Variants in PER1 observed in about 807,000 individuals in gnomAD.
PER1 encodes period circadian regulator 1.
In PER1, 87 loss-of-function variants were observed where a neutral mutation model predicts 125.9. The observed-to-expected ratio is 0.69, with a 90% CI of 0.58 to 0.83. The LOEUF (loss-of-function observed/expected upper bound fraction) is 0.83, where lower values mean the gene tolerates loss of function less well. Ranked by LOEUF, PER1 falls within the 40% of genes least tolerant of loss-of-function variation. The probability of loss-of-function intolerance (pLI) is 0.00; values close to 1 mark genes in which losing one functional copy is unlikely to be tolerated. For synonymous variants in PER1, 801 were observed against 714.7 expected (o/e 1.12, Z -1.93); for missense variants, 1,775 against 1,722.8 (o/e 1.03, Z -0.54).
Position 8,148,771 on chromosome 17 carries a change from C to G in PER1, c.921G>C (p.Arg307=). The change falls in exon 8 of 23, where the codon CGG becomes CGC. Residue 307 remains arginine (R), a synonymous_variant. Coordinates refer to ENST00000317276, the MANE Select transcript of PER1 (RefSeq NM_002616.3). ...ATGGCTGGTACCGAGGCCCTGGATC[C>G]CGGTCAGGACCTCCTCTAGCAAAGG... ...VFCRIRGGPD[R]DPGPRYQPFR... is the part of the protein sequence containing the mutation. 1 of 1,613,466 alleles carries G rather than the reference C, an allele frequency of 6.2e-7. No individual in the cohort carries two copies. Among genetic ancestry groups the G allele is most frequent in the Non-Finnish European group, 8.5e-7 (1 of 1,179,738 alleles).
At chr17:8,142,976 G>T in intron 19 of PER1, 141 bp from the exon 20 acceptor site, 1 of 678,268 alleles carries the variant, frequency 1.5e-6, no homozygotes, top group Non-Finnish European at 2.5e-6. Context: ...GGGCCAGGCT[G>T]AGAGAGAAGA....
intron 13 of PER1, 96 bp downstream of exon 13, chr17:8,147,154 A>T: frequency 6.7e-7 from 1 of 1,482,868 alleles, no homozygotes; most frequent in Non-Finnish European, 9.2e-7. Context: ...GAGAGGGCAA[A>T]GGAGGATCGG....
Position 8,147,774 on chromosome 17 carries a change from G to C in PER1, c.1288C>G (p.Arg430Gly). The change falls in exon 11 of 23, where the codon CGC becomes GGC. Residue 430 changes from arginine (R) to glycine (G), a missense_variant. By Grantham distance (125) the Arg-to-Gly change is moderately radical. Coordinates refer to ENST00000317276, the MANE Select transcript of PER1 (RefSeq NM_002616.3). ...FDHSPIRFCA[R>G]NGEYVTMDTS... The stretch of plus-strand genomic sequence containing the variant: ...TCCATGGTGACATACTCCCCGTTGC[G>C]GGCACAGAAGCGGATAGGGGAGTGG... 6.2e-7 allele frequency: 1 copy of C among 1,614,056 alleles called. No individual in the cohort carries two copies.
Position 8,149,775 on chromosome 17 carries a change from C to A in PER1, c.631G>T (p.Glu211Ter). ...CTGACCTGGTTCTGAAGTGTGTACT[C>A]AGACGTGATGTGCTCCAGCTCCTCC... The part of the protein sequence containing the change: ...TLEELEHITS[E>*]YTLQNQDTFS... The change falls in exon 5 of 23, where the codon GAG becomes TAG. Residue 211 changes from glutamate (E) to a stop codon, truncating the protein, a stop_gained. Transcript: ENST00000317276. LOFTEE classifies it high-confidence loss of function. 20 of 1,613,150 alleles carry A rather than the reference C, an allele frequency of 1.2e-5. No individual in the cohort carries two copies. The highest frequency in any genetic ancestry group is 1.7e-5 in the Non-Finnish European group (20 of 1,180,024).
Position 8,140,944 on chromosome 17 carries a change from C to G in PER1, c.*124G>C. On this transcript the variant is annotated 3_prime_UTR_variant, in exon 23 of 23. Transcript: ENST00000317276. ...TAGGCTGGTGATGGGGGTCCGGCCC[C>G]CTATGGTGGGAGAAGCTGGGGCAGT... The G allele has an allele frequency of 8.7e-7, 1 of 1,150,202 alleles. No individual in the cohort carries two copies. Among genetic ancestry groups the G allele is most frequent in the Non-Finnish European group, 1.2e-6 (1 of 802,178 alleles). 71.2% of individuals were successfully genotyped at this position (1,150,202 alleles called of 1,614,324 possible).
In PER1 at chr17:8,146,176, C is replaced by G. The variant is rs763706032; in HGVS notation, c.2039-39G>C. ...TGGTGCCAGTTACCATCCCCACCCCCACTGGGAAGTCAGGAGAGAGGATCC... is the reference window on the plus strand; with the variant it reads ...TGGTGCCAGTTACCATCCCCACCCCGACTGGGAAGTCAGGAGAGAGGATCC... On this transcript the variant is annotated intron_variant, in intron 16 of 22. Transcript: ENST00000317276. 46 of 1,559,516 alleles carry G rather than the reference C, an allele frequency of 2.9e-5. No individual in the cohort carries two copies. In the South Asian group the frequency reaches 5.5e-4, roughly 19 times the overall value.
At position 8,142,814 on chromosome 17, in the gene PER1, T is replaced by G. The variant is rs1356700676; in HGVS notation, c.3094A>C (p.Asn1032His). 1.2e-6 allele frequency: 2 copies of G among 1,608,412 alleles called. No individual in the cohort carries two copies. Among genetic ancestry groups the G allele is most frequent in the Non-Finnish European group, 1.7e-6 (2 of 1,178,718 alleles). The change falls in exon 20 of 23, where the codon AAT becomes CAT. Residue 1032 changes from asparagine to histidine, a missense_variant. Physicochemically the swap from Asn to His is moderately conservative, Grantham distance 68. Transcript: ENST00000317276. The stretch of plus-strand genomic sequence containing the variant: ...CTGGAGCCGGAAAGTGCGTCCTGAT[T>G]GGAGGACTCAGTGACCTCCGCCTGG... ...ARLAEVTESSNQDALSGSSDL... is the reference protein window; with the variant it reads ...ARLAEVTESSHQDALSGSSDL...
Position 8,150,572 on chromosome 17 carries a change from G to C in PER1, c.135C>G (p.Thr45=), listed in dbSNP as rs3027176. The change falls in exon 2 of 23, where the codon ACC becomes ACG. Residue 45 remains threonine, a synonymous_variant. Coordinates refer to ENST00000317276, the MANE Select transcript of PER1 (RefSeq NM_002616.3). ...CACTTGAACCATTGCTGTTGGCATC[G>C]GTGTCATCGGCCAGGCTGGGGCCTG... is the stretch of plus-strand genomic sequence containing the variant. ...PCPGPSLADD[T]DANSNGSSGN... 2 of 1,614,070 alleles carry C rather than the reference G, an allele frequency of 1.2e-6. No individual in the cohort carries two copies. Among genetic ancestry groups the C allele is most frequent in the South Asian group, 1.1e-5 (1 of 91,086 alleles).
rs763683034 is a variant in PER1, at chr17:8,147,769, G to A, written c.1293C>T (p.Asn431=). Residue 431 remains asparagine (N), a synonymous_variant, in exon 11 of 23, where the codon AAC becomes AAT. Coordinates refer to ENST00000317276, the MANE Select transcript of PER1 (RefSeq NM_002616.3). ...DHSPIRFCAR[N]GEYVTMDTSW... Reference sequence around the variant, plus strand: ...TGGTGTCCATGGTGACATACTCCCCGTTGCGGGCACAGAAGCGGATAGGGG... The same window carrying A: ...TGGTGTCCATGGTGACATACTCCCCATTGCGGGCACAGAAGCGGATAGGGG... 20 of 1,613,948 alleles carry A rather than the reference G, an allele frequency of 1.2e-5. No individual in the cohort carries two copies. The highest frequency in any genetic ancestry group is 1.6e-4 in the Middle Eastern group (1 of 6,084).
chr17:8,152,093 G>T (rs1035474545), intron 1 of PER1, among the ~76,000 whole-genome samples: 2 of 152,210 alleles, frequency 1.3e-5, no homozygotes, highest in African/African-American at 4.8e-5. Context: ...CGGCTGTGGG[G>T]CCGGGAAAGC....
chr17:8,141,247 C>T lies in PER1; in HGVS notation c.3694G>A (p.Glu1232Lys), dbSNP rs764408482. The change falls in exon 23 of 23, where the codon GAA becomes AAA. Residue 1232 changes from glutamate to lysine, a missense_variant. Physicochemically the swap from Glu to Lys is moderately conservative, Grantham distance 56 (BLOSUM62 1). Transcript: ENST00000317276. ...ELDGLGLEPM[E>K]EGGGEQGSSG... ...CTGCCCTGCTCGCCTCCACCCTCTT[C>T]CATGGGCTCCAGCCCCAGTCCATCC... The T allele has an allele frequency of 6.2e-7, 1 of 1,614,228 alleles. No homozygotes were observed. Among genetic ancestry groups the T allele is most frequent in the Non-Finnish European group, 8.5e-7 (1 of 1,180,048 alleles).
At position 8,144,985 on chromosome 17, in the gene PER1, T is replaced by G; in HGVS notation, c.2227A>C (p.Met743Leu). ...GCTAGGCCAGGCAGGTCCTCCATCATGATGATGTCTGAGGAGAGTGAGATA... is the reference window on the plus strand; with the variant it reads ...GCTAGGCCAGGCAGGTCCTCCATCAGGATGATGTCTGAGGAGAGTGAGATA... ...DKKPPESDII[M>L]MEDLPGLAPG... Residue 743 changes from methionine to leucine, a missense_variant, in exon 18 of 23, where the codon ATG becomes CTG. Transcript: ENST00000317276. 1 of 1,495,990 alleles carries G rather than the reference T, an allele frequency of 6.7e-7. No homozygotes were observed. Among genetic ancestry groups the G allele is most frequent in the South Asian group, 1.4e-5 (1 of 72,094 alleles). 92.7% of individuals were successfully genotyped at this position (1,495,990 alleles called of 1,614,324 possible).
rs753853657 is a variant in PER1 at position 8,150,236 on chromosome 17, C to T, written c.357G>A (p.Pro119=). Residue 119 remains proline (P), a synonymous_variant, in exon 3 of 23, where the codon CCG becomes CCA. Transcript: ENST00000317276. ...LLSASSEQDN[P]STSGCSSEQS... ...CGACGTACCTGCAGCCACTGGTGGA[C>T]GGGTTGTCCTGCTCTGAGCTGGCAC... The T allele has an allele frequency of 3.9e-5, 62 of 1,581,080 alleles. No homozygotes were observed. The highest frequency in any genetic ancestry group is 3.4e-4 in the South Asian group (29 of 86,302).
Position 8,148,277 on chromosome 17 carries a change from T to TG in PER1, c.1049-19dup. 6.2e-7 allele frequency: 1 copy of TG among 1,607,178 alleles called. No individual in the cohort carries two copies. Among genetic ancestry groups the TG allele is most frequent in the Non-Finnish European group, 8.5e-7 (1 of 1,173,980 alleles). ...CCGGGGAGCTGAGGCACAGAGAGTG[T>TG]GGTCACTGGGTTTCGTCCAGAATGC... On this transcript the variant is annotated intron_variant, in intron 8 of 22. Coordinates refer to ENST00000317276, the MANE Select transcript of PER1 (RefSeq NM_002616.3).
At chr17:8,150,409 C>T in intron 2 of PER1, 23 bp downstream of exon 2, 1 of 1,591,296 alleles carries the variant, frequency 6.3e-7, no homozygotes, top group Non-Finnish European at 8.6e-7. Context: ...ATTCCTAGAC[C>T]CAACATACAC....
At chr17:8,141,754 CCTTG>C (rs777841259) in intron 22 of PER1, 47 bp downstream of exon 22, 8 of 1,585,868 alleles carry the variant, frequency 5.0e-6, no homozygotes, top group Middle Eastern at 1.7e-4. Context: ...TTTTTCTCCC[CCTTG>C]AACTTGAGCT....
chr17:8,142,465 A>C lies in PER1; in HGVS notation c.3260-7T>G. On this transcript the variant is annotated splice_region_variant and splice_polypyrimidine_tract_variant and intron_variant, in intron 20 of 22. Coordinates refer to ENST00000317276, the MANE Select transcript of PER1 (RefSeq NM_002616.3). ...TGGCTGCTCTGGCTGCTGCCTGTGA[A>C]GTGGGGGGCAGACCAATGGGAGTCA... The C allele has an allele frequency of 1.3e-6, 2 of 1,569,104 alleles. No individual in the cohort carries two copies. The highest frequency in any genetic ancestry group is 1.7e-6 in the Non-Finnish European group (2 of 1,156,176).
chr17:8,147,319 A>G lies in PER1; in HGVS notation c.1560T>C (p.Pro520=), dbSNP rs764049352. 34 of 1,613,174 alleles carry G rather than the reference A, an allele frequency of 2.1e-5. No individual in the cohort carries two copies. The Admixed American group carries it at 5.5e-4, about 26-fold the overall frequency. ...CGVGAVTSPG[P]LHSPGSSSDS... ...CACTGGAGGACCCAGGGCTGTGGAG[A>G]GGGCCTGGGGATGTCACGGCGCCGA... Residue 520 remains proline (P), a synonymous_variant, in exon 13 of 23, where the codon CCT becomes CCC. Transcript: ENST00000317276.
intron 17 of PER1, 87 bp from the exon 18 acceptor site, chr17:8,145,080 G>A (rs1982345570): frequency 3.0e-6 from 4 of 1,318,118 alleles, no homozygotes; most frequent in Non-Finnish European, 3.9e-6. Context: ...TGATAGCCTA[G>A]CCAACCCCTG....
Sources: gnomAD v4.1 joint callset for allele counts (sites outside exome capture counted in the v4.1 genomes callset) on GRCh38, gnomAD v4.1.1 for gene constraint, MANE v1.5 for transcripts, NCBI Gene and HGNC (gene_info 2026-07-23, HGNC 2026-07-21) for gene names.